The following LPP variants were observed in gnomAD, a reference collection of about 807,000 sequenced individuals.
LPP encodes the protein LIM domain containing preferred translocation partner in lipoma.
Under a neutral mutation model 60.4 loss-of-function variants are expected in LPP, and 38 were observed. The ratio of observed to expected loss-of-function variants is 0.63; its 90% CI spans 0.49 to 0.83. The LOEUF is 0.83. Ranked by LOEUF, LPP falls within the 40% of genes least tolerant of loss-of-function variation. The pLI is 0.00. For missense variants in LPP, 902 were observed against 783.6 expected (o/e 1.15, Z -1.80); for synonymous variants, 328 against 290.8 (o/e 1.13, Z -1.30).
chr3:188,514,800 A>G (rs973796821), intron 5 of LPP, among the ~76,000 whole-genome samples: 2 of 152,172 alleles, frequency 1.3e-5, no homozygotes, highest in Non-Finnish European at 1.5e-5. Context: ...TTATTTGCCC[A>G]TCTAATCTCC....
intron 7 of LPP, among the ~76,000 whole-genome samples, chr3:188,675,236 G>C (rs2149302284): frequency 6.6e-6 from 1 of 152,294 alleles, no homozygotes; most frequent in South Asian, 2.1e-4. Context: ...AGTGTGTCAA[G>C]CCAGTGTGGG....
At chr3:188,518,740 C>G (rs191242201) in intron 5 of LPP, among the ~76,000 whole-genome samples, 7 of 152,028 alleles carry the variant, frequency 4.6e-5, no homozygotes, top group Admixed American at 4.6e-4. Context: ...TTGAGTATGA[C>G]GCTGGGCATT....
At chr3:188,334,001 A>G (rs759132411) in intron 2 of LPP, among the ~76,000 whole-genome samples, 9 of 152,172 alleles carry the variant, frequency 5.9e-5, no homozygotes, top group Non-Finnish European at 1.2e-4. Context: ...GTATCCATTT[A>G]CCAACCTTTG....
chr3:188,461,664 T>C (rs1187808618), intron 4 of LPP, among the ~76,000 whole-genome samples: 1 of 152,210 alleles, frequency 6.6e-6, no homozygotes, highest in Non-Finnish European at 1.5e-5. Context: ...CAGAATTTAT[T>C]AAGTATTTTT....
intron 7 of LPP, among the ~76,000 whole-genome samples, chr3:188,705,623 C>CT (rs961500325): frequency 1.1e-4 from 16 of 151,060 alleles, no homozygotes; most frequent in Admixed American, 4.6e-4. Context: ...TTAATTTTTT[C>CT]TTTTTTTGTG....
In LPP at chr3:188,255,947, C is replaced by T. The variant is rs560068984; in HGVS notation, c.-67+30420C>T. Among the ~76,000 whole-genome samples, 107 of 152,252 alleles carry T rather than the reference C, an allele frequency of 7.0e-4. 1 individual carries two copies. The highest frequency in any genetic ancestry group is 2.5e-3 in the African/African-American group (104 of 41,542). On this transcript the variant is annotated intron_variant, in intron 2 of 11. Transcript: ENST00000617246. Reference sequence around the variant, plus strand: ...CACACTGGTTACCGTCATACCGTATCAGCATAAAAATGTTGGCAATGAATA... The same window carrying T: ...CACACTGGTTACCGTCATACCGTATTAGCATAAAAATGTTGGCAATGAATA...
intron 1 of LPP, among the ~76,000 whole-genome samples, chr3:188,193,180 G>A (rs1223597864): frequency 6.6e-6 from 1 of 152,194 alleles, no homozygotes; most frequent in African/African-American, 2.4e-5. Context: ...AAGATAGCGT[G>A]TTGGTTTGTG....
intron 2 of LPP, among the ~76,000 whole-genome samples, chr3:188,272,046 A>G (rs1737929307): frequency 6.6e-6 from 1 of 152,096 alleles, no homozygotes; most frequent in Non-Finnish European, 1.5e-5. Context: ...TGGGAGGAAG[A>G]GAAGGAGGGG....
intron 2 of LPP, among the ~76,000 whole-genome samples, chr3:188,245,950 C>T (rs1350757493): frequency 6.6e-6 from 1 of 152,176 alleles, no homozygotes; most frequent in African/African-American, 2.4e-5. Flanking sequence ...GGAAAAATTT[C>T]TGTTTCTTGA....
chr3:188,671,672 G>A (rs1254177112), intron 7 of LPP, among the ~76,000 whole-genome samples: 2 of 152,044 alleles, frequency 1.3e-5, no homozygotes, highest in East Asian at 1.9e-4. Context: ...TAAGTTTCTA[G>A]TTAATTATTT....
rs1404821469 is a variant in LPP, at chr3:188,633,861, C to T, written c.1113+24017C>T. On this transcript the variant is annotated intron_variant, in intron 7 of 11. Coordinates refer to ENST00000617246, the MANE Select transcript of LPP (RefSeq NM_001375462.1). ...TACTATAGAGTTATTCCTTTTTACTCTTTTGCTCATGGAAATAATTTGAAG... is the reference window on the plus strand; with the variant it reads ...TACTATAGAGTTATTCCTTTTTACTTTTTTGCTCATGGAAATAATTTGAAG... Among the ~76,000 whole-genome samples, 3 of 152,126 alleles carry T rather than the reference C, an allele frequency of 2.0e-5. No homozygotes were observed. In the South Asian group the frequency reaches 6.2e-4, roughly 31 times the overall value.
At chr3:188,188,424 G>T (rs1181437625) in intron 1 of LPP, among the ~76,000 whole-genome samples, 2 of 152,146 alleles carry the variant, frequency 1.3e-5, no homozygotes, top group African/African-American at 4.8e-5. Flanking sequence ...GTCCCCAGGG[G>T]TCAGCCAACA....
intron 2 of LPP, among the ~76,000 whole-genome samples, chr3:188,266,371 C>G (rs770849074): frequency 6.6e-6 from 1 of 152,116 alleles, no homozygotes; most frequent in Admixed American, 6.5e-5. Flanking sequence ...ACAGATGATA[C>G]GTTTTTTAGA....
chr3:188,308,996 T>C (rs1208323111), intron 2 of LPP, among the ~76,000 whole-genome samples: 2 of 71,884 alleles, frequency 2.8e-5, no homozygotes, highest in Admixed American at 1.9e-4. Context: ...CCTCCTCTCC[T>C]TCTCCTTCTT....
chr3:188,831,857 C>T (rs948821496), intron 9 of LPP, among the ~76,000 whole-genome samples: 1 of 152,186 alleles, frequency 6.6e-6, no homozygotes, highest in African/African-American at 2.4e-5. Context: ...CCTCCATTTT[C>T]TGAGTATGCT....
At chr3:188,485,795 T>G (rs1300682274) in intron 5 of LPP, among the ~76,000 whole-genome samples, 2 of 1,180 alleles carry the variant, frequency 1.7e-3, no homozygotes, top group Admixed American at 0.018. Context: ...AGACTCCGTC[T>G]CAAAAAAAAA....
Position 188,886,457 on chromosome 3 carries a change from C to T in LPP, c.*11978C>T, listed in dbSNP as rs974382978. 5.3e-6 allele frequency: 1 copy of T among 188,304 alleles called. No homozygotes were observed. Among genetic ancestry groups the T allele is most frequent in the Non-Finnish European group, 1.1e-5 (1 of 92,650 alleles). The allele number at this position is 188,304 out of a possible 1,614,324, so 11.7% of individuals were successfully genotyped here. ...ATTAATAGAAGACACAATTTGAGCA[C>T]TTCTCAGAATTATCTAGTATGCCTG... On this transcript the variant is annotated 3_prime_UTR_variant, in exon 12 of 12. Transcript: ENST00000617246.
At chr3:188,613,402 C>T (rs1844244590) in intron 7 of LPP, among the ~76,000 whole-genome samples, 1 of 151,570 alleles carries the variant, frequency 6.6e-6, no homozygotes, top group African/African-American at 2.4e-5. Context: ...GACCTGGAAG[C>T]TAGTCACAAC....
chr3:188,732,643 G>A (rs369157802), intron 8 of LPP, among the ~76,000 whole-genome samples: 7 of 147,602 alleles, frequency 4.7e-5, no homozygotes, highest in African/African-American at 1.0e-4. Context: ...GCTTGAACCC[G>A]TGAGGCGGAG....
Sources: allele counts gnomAD v4.1 joint callset (sites outside exome capture counted in the v4.1 genomes callset), GRCh38; gene constraint gnomAD v4.1.1; transcripts MANE v1.5; gene names NCBI Gene and HGNC (gene_info 2026-07-23, HGNC 2026-07-21).